The following ADGRB3 variants were observed in gnomAD, a reference collection of about 807,000 sequenced individuals.
ADGRB3 encodes brain-specific angiogenesis inhibitor 3.
In ADGRB3, 37 loss-of-function variants were observed where a neutral mutation model predicts 193.4. The observed-to-expected ratio is 0.19, with a 90% CI of 0.15 to 0.25. ADGRB3 has a LOEUF of 0.25. Among genes scored for constraint, ADGRB3 ranks in the 10% least tolerant of loss-of-function variants. The pLI, the probability that ADGRB3 is intolerant of heterozygous loss-of-function variation, is 1.00. For synonymous variants in ADGRB3, 690 were observed against 644.2 expected, an observed-to-expected ratio of 1.07 and a Z score of -1.08; for missense variants, 1,637 against 1,852.9, an observed-to-expected ratio of 0.88 and a Z score of 2.14.
At chr6:69,144,388 G>A (rs1421373131) in intron 17 of ADGRB3, among the ~76,000 whole-genome samples, 1 of 152,046 alleles carries the variant, frequency 6.6e-6, no homozygotes, top group Non-Finnish European at 1.5e-5. Flanking sequence ...TTCCAATTTA[G>A]ATGCCCTTTA....
rs1200241155 is a variant in ADGRB3 at position 68,772,888 on chromosome 6, AAAAAAAATATAT to A, written c.757+133458_757+133469del. 7.1e-3 allele frequency among the ~76,000 whole-genome samples: 368 copies of A among 51,904 alleles called. 4 individuals are homozygous for A. Among genetic ancestry groups the A allele is most frequent in the East Asian group, 0.052 (55 of 1,048 alleles). 34.1% of individuals were successfully genotyped at this position (51,904 alleles called of 152,430 possible). A position where few individuals can be genotyped will look rare whatever the true frequency, so the allele number is the denominator to read the frequency against. ...AAACAAACAAACAAACAAACAAAAA[AAAAAAAATATAT>A]ATATATATATATATATATATATATA... On this transcript the variant is annotated intron_variant, in intron 3 of 31. Transcript: ENST00000370598.
chr6:69,368,092 A>C (rs1002778579), intron 29 of ADGRB3, among the ~76,000 whole-genome samples: 2 of 151,886 alleles, frequency 1.3e-5, no homozygotes, highest in East Asian at 1.9e-4. Context: ...ACATGTATAC[A>C]TATGTAACTA....
chr6:69,211,696 C>A (rs867130487), intron 17 of ADGRB3, among the ~76,000 whole-genome samples: 2 of 151,992 alleles, frequency 1.3e-5, no homozygotes, highest in South Asian at 4.1e-4. Context: ...AAATGTATGG[C>A]CAGAGACTTT....
intron 6 of ADGRB3, among the ~76,000 whole-genome samples, chr6:68,954,285 TTTATA>T (rs1378490026): frequency 6.6e-6 from 1 of 152,182 alleles, no homozygotes; most frequent in Non-Finnish European, 1.5e-5. Flanking sequence ...GAGGTTAGGA[TTTATA>T]TTCTTTTATT....
intron 13 of ADGRB3, among the ~76,000 whole-genome samples, chr6:69,034,037 G>C (rs1335885362): frequency 1.4e-4 from 21 of 151,822 alleles, no homozygotes; most frequent in Admixed American, 1.4e-3. Flanking sequence ...TTATTAACAG[G>C]GTTCTCAAAT....
At chr6:69,279,358 C>T (rs575930099) in intron 20 of ADGRB3, among the ~76,000 whole-genome samples, 10 of 151,766 alleles carry the variant, frequency 6.6e-5, no homozygotes, top group Admixed American at 1.3e-4. Context: ...GCAGCTCACT[C>T]TTGTTGCCCA....
chr6:69,202,922 G>A (rs1363011005), intron 17 of ADGRB3, among the ~76,000 whole-genome samples: 3 of 152,238 alleles, frequency 2.0e-5, no homozygotes, highest in Non-Finnish European at 4.4e-5. Context: ...TTAGCAGAAC[G>A]TTGGAGTTAC....
chr6:68,876,336 G>C (rs1007988660), intron 3 of ADGRB3, among the ~76,000 whole-genome samples: 1 of 152,098 alleles, frequency 6.6e-6, no homozygotes, highest in African/African-American at 2.4e-5. Context: ...AGTCAACAAA[G>C]AGATGATCAG....
intron 18 of ADGRB3, 119 bp downstream of exon 18, chr6:69,233,535 G>C (rs1766197923): frequency 1.5e-5 from 21 of 1,376,214 alleles, no homozygotes; most frequent in South Asian, 8.1e-5. Context: ...TACAAAATTG[G>C]GTTCGTCTCC....
At chr6:69,095,699 T>C (rs532620346) in intron 17 of ADGRB3, among the ~76,000 whole-genome samples, 2 of 152,250 alleles carry the variant, frequency 1.3e-5, no homozygotes, top group African/African-American at 4.8e-5. Flanking sequence ...AGACATTAAG[T>C]GACAAAGTAA....
intron 3 of ADGRB3, among the ~76,000 whole-genome samples, chr6:68,788,279 C>T (rs973814168): frequency 6.6e-6 from 1 of 152,002 alleles, no homozygotes; most frequent in Non-Finnish European, 1.5e-5. Context: ...CCTGCTTTCT[C>T]TTGTGGGCAT....
chr6:69,005,592 A>C (rs890517298), intron 11 of ADGRB3, among the ~76,000 whole-genome samples: 1 of 152,246 alleles, frequency 6.6e-6, no homozygotes, highest in East Asian at 1.9e-4. Flanking sequence ...TTACAGGCGT[A>C]CGCCACCATT....
At chr6:69,076,617 A>G (rs1332400951) in intron 17 of ADGRB3, among the ~76,000 whole-genome samples, 1 of 152,080 alleles carries the variant, frequency 6.6e-6, no homozygotes, top group African/African-American at 2.4e-5. Context: ...AGTAATTGCA[A>G]TATATCTAAT....
At chr6:69,185,876 T>A (rs1312004334) in intron 17 of ADGRB3, among the ~76,000 whole-genome samples, 1 of 152,178 alleles carries the variant, frequency 6.6e-6, no homozygotes, top group Non-Finnish European at 1.5e-5. Flanking sequence ...GAATTTGTAT[T>A]TCCAATAAAA....
chr6:68,759,461 C>A (rs1478032360), intron 3 of ADGRB3, among the ~76,000 whole-genome samples: 1 of 151,984 alleles, frequency 6.6e-6, no homozygotes, highest in Non-Finnish European at 1.5e-5. Context: ...CTAATTATAT[C>A]TGTTAATTCT....
intron 3 of ADGRB3, among the ~76,000 whole-genome samples, chr6:68,808,860 C>A (rs1273407468): frequency 6.6e-6 from 1 of 152,106 alleles, no homozygotes; most frequent in Non-Finnish European, 1.5e-5. Flanking sequence ...AGAAGACCAC[C>A]TGTAAAAGAG....
intron 6 of ADGRB3, among the ~76,000 whole-genome samples, chr6:68,946,638 G>A (rs946627266): frequency 7.9e-5 from 12 of 152,118 alleles, no homozygotes; most frequent in Non-Finnish European, 1.3e-4. Flanking sequence ...CTGCACTAGA[G>A]TGTGGACAAG....
At chr6:68,867,198 C>T (rs2150217621) in intron 3 of ADGRB3, among the ~76,000 whole-genome samples, 1 of 152,212 alleles carries the variant, frequency 6.6e-6, no homozygotes, top group East Asian at 1.9e-4. Context: ...TAGGCTAGTC[C>T]CAGGGTGCTG....
At chr6:68,638,269 A>C (rs1011227573) in intron 2 of ADGRB3, among the ~76,000 whole-genome samples, 3 of 151,734 alleles carry the variant, frequency 2.0e-5, no homozygotes, top group African/African-American at 7.3e-5. Context: ...AAGGTTGTAT[A>C]GACTATAGAC....
Sources: allele counts gnomAD v4.1 joint callset (sites outside exome capture counted in the v4.1 genomes callset), GRCh38; gene constraint gnomAD v4.1.1; transcripts MANE v1.5; gene names NCBI Gene and HGNC (gene_info 2026-07-23, HGNC 2026-07-21).